WDR37: variants seen among roughly 807,000 people sequenced by gnomAD.
The protein encoded by WDR37 is WD repeat domain 37, also known as WD repeat-containing protein 37.
Under a neutral mutation model 62.9 loss-of-function variants are expected in WDR37, and 19 were observed. That is an observed-to-expected ratio of 0.30 (90% CI 0.21 to 0.44). The LOEUF (loss-of-function observed/expected upper bound fraction) is 0.44. Among genes scored for constraint, WDR37 ranks in the 20% least tolerant of loss-of-function variants. The probability of loss-of-function intolerance (pLI) is 1.00; values close to 1 mark genes in which losing one functional copy is unlikely to be tolerated. For synonymous variants in WDR37, 250 were observed against 260.9 expected, an observed-to-expected ratio of 0.96 and a Z score of 0.40; for missense variants, 474 against 657.6, an observed-to-expected ratio of 0.72 and a Z score of 3.05.
intron 1 of WDR37, among the ~76,000 whole-genome samples, chr10:1,071,056 T>C (rs554934986): frequency 9.8e-4 from 150 of 152,374 alleles, no homozygotes; most frequent in Non-Finnish European, 1.8e-3. Flanking sequence ...TGTAACTGTC[T>C]ACTTGGAATT....
Position 1,096,213 on chromosome 10 carries a change from G to T in WDR37, c.693G>T (p.Gln231His). The change falls in exon 9 of 14, where the codon CAG becomes CAT. Residue 231 changes from glutamine to histidine, a missense_variant. Transcript: ENST00000263150. ...CTCATATCTGGAGATACGCGGTGCA[G>T]CTGCCGACACCCCAGCCTGTTGCTG... is the stretch of plus-strand genomic sequence containing the variant. ...QTAHIWRYAV[Q>H]LPTPQPVADT... The T allele has an allele frequency of 6.2e-7, 1 of 1,614,156 alleles. No homozygotes were observed.
chr10:1,082,801 G>A (rs1165071885), intron 5 of WDR37, among the ~76,000 whole-genome samples: 2 of 152,180 alleles, frequency 1.3e-5, no homozygotes, highest in African/African-American at 4.8e-5. Flanking sequence ...AGCTCCAGCA[G>A]CAGTGCAGTC....
chr10:1,077,477 G>A (rs1283762450), intron 2 of WDR37, among the ~76,000 whole-genome samples: 2 of 152,106 alleles, frequency 1.3e-5, no homozygotes, highest in Non-Finnish European at 2.9e-5. Flanking sequence ...GGGTGTGGCG[G>A]GAACTCTGCA....
intron 12 of WDR37, 93 bp from the exon 13 acceptor site, chr10:1,124,817 A>C: frequency 6.7e-7 from 1 of 1,500,332 alleles, no homozygotes; most frequent in Non-Finnish European, 9.0e-7. Context: ...TGAAATGTGA[A>C]TAATATGGAA....
chr10:1,129,680 C>CCGAGA lies in WDR37; in HGVS notation c.*336_*337insCGAGA. 5.2e-6 allele frequency: 1 copy of CCGAGA among 193,148 alleles called. No homozygotes were observed. Among genetic ancestry groups the CCGAGA allele is most frequent in the South Asian group, 1.0e-4 (1 of 9,644 alleles). 12.0% of individuals were successfully genotyped at this position (193,148 alleles called of 1,614,324 possible). A position where few individuals can be genotyped will look rare whatever the true frequency, so the allele number is the denominator to read the frequency against. ...ATTTGTGTGAATTAAATGTGAACTT[C>CCGAGA]TGTATTACGTTGCGGCGTCGGCAGT... On this transcript the variant is annotated 3_prime_UTR_variant, in exon 14 of 14. Coordinates refer to ENST00000263150, the MANE Select transcript of WDR37 (RefSeq NM_014023.4).
At chr10:1,063,442 A>G (rs1479398675) in intron 1 of WDR37, among the ~76,000 whole-genome samples, 1 of 152,006 alleles carries the variant, frequency 6.6e-6, no homozygotes, top group Admixed American at 6.5e-5. Flanking sequence ...CCAGCTAAAT[A>G]TCACAGGAAA....
chr10:1,078,071 A>T (rs944755422), intron 3 of WDR37, 68 bp downstream of exon 3: 4 of 1,202,720 alleles, frequency 3.3e-6, no homozygotes, highest in Non-Finnish European at 4.8e-6. Context: ...ATGAATAGAC[A>T]TTCATCACTA....
chr10:1,070,796 G>C (rs939793818), intron 1 of WDR37, among the ~76,000 whole-genome samples: 1 of 151,822 alleles, frequency 6.6e-6, no homozygotes, highest in African/African-American at 2.4e-5. Context: ...AAAACAGGCT[G>C]ACTTGTTTAA....
intron 11 of WDR37, among the ~76,000 whole-genome samples, chr10:1,109,377 C>T (rs773641276): frequency 2.6e-5 from 4 of 152,214 alleles, no homozygotes; most frequent in East Asian, 3.8e-4. Flanking sequence ...CTGTTGCAAC[C>T]GTGTGGTCTT....
At chr10:1,094,247 T>C (rs1370213585) in intron 8 of WDR37, among the ~76,000 whole-genome samples, 1 of 152,222 alleles carries the variant, frequency 6.6e-6, no homozygotes, top group Non-Finnish European at 1.5e-5. Flanking sequence ...CAGCGGACAG[T>C]GCACTGATGA....
chr10:1,101,126 C>T (rs1468292762), intron 9 of WDR37, among the ~76,000 whole-genome samples: 1 of 152,220 alleles, frequency 6.6e-6, no homozygotes, highest in South Asian at 2.1e-4. Context: ...TTCTTCCCAC[C>T]CTGCTCCAGG....
chr10:1,079,576 C>T (rs1833967168), intron 3 of WDR37, among the ~76,000 whole-genome samples: 1 of 151,214 alleles, frequency 6.6e-6, no homozygotes, highest in South Asian at 2.1e-4. Context: ...ACTCTGTTGT[C>T]CAGGCTGGAG....
intron 7 of WDR37, among the ~76,000 whole-genome samples, chr10:1,092,775 T>C (rs914413330): frequency 3.5e-5 from 5 of 144,896 alleles, no homozygotes; most frequent in African/African-American, 5.2e-5. Flanking sequence ...GAGGCTAAGG[T>C]AGGAGGATCA....
intron 7 of WDR37, among the ~76,000 whole-genome samples, chr10:1,087,324 G>T (rs1834236714): frequency 6.6e-6 from 1 of 152,240 alleles, no homozygotes; most frequent in Non-Finnish European, 1.5e-5. Context: ...TGCCTGGCGT[G>T]TGTGTGATTG....
At position 1,130,717 on chromosome 10, in the gene WDR37, T is replaced by C. The variant is rs1788034198; in HGVS notation, c.*1373T>C. 1 of 152,200 alleles carries C rather than the reference T, an allele frequency of 6.6e-6. No homozygotes were observed. Among genetic ancestry groups the C allele is most frequent in the Admixed American group, 6.5e-5 (1 of 15,276 alleles). The allele number at this position is 152,200 out of a possible 1,614,324, so 9.4% of individuals were successfully genotyped here. ...ATGTGACATCCCCAGGTCTTTGTGTTTTGCCCTGTTTTACGGTGAGGTAGG... is the reference window on the plus strand; with the variant it reads ...ATGTGACATCCCCAGGTCTTTGTGTCTTGCCCTGTTTTACGGTGAGGTAGG... On this transcript the variant is annotated 3_prime_UTR_variant, in exon 14 of 14. Coordinates refer to ENST00000263150, the MANE Select transcript of WDR37 (RefSeq NM_014023.4).
At chr10:1,069,252 C>G (rs1192372605) in intron 1 of WDR37, among the ~76,000 whole-genome samples, 1 of 151,340 alleles carries the variant, frequency 6.6e-6, no homozygotes, top group Non-Finnish European at 1.5e-5. Context: ...TACCCTGTGA[C>G]TGAGCAGCCT....
At chr10:1,062,865 A>C in intron 1 of WDR37, among the ~76,000 whole-genome samples, 1 of 152,204 alleles carries the variant, frequency 6.6e-6, no homozygotes, top group East Asian at 1.9e-4. Context: ...AGGCGGGCAG[A>C]TCACAAGGTC....
chr10:1,115,000 G>A (rs746532781), intron 11 of WDR37, among the ~76,000 whole-genome samples: 99 of 151,334 alleles, frequency 6.5e-4, no homozygotes, highest in Non-Finnish European at 1.4e-3. Context: ...ATCCCGTAGA[G>A]TTTTCCTCCC....
chr10:1,108,077 TCC>T (rs1036839118), intron 11 of WDR37, among the ~76,000 whole-genome samples: 4 of 152,244 alleles, frequency 2.6e-5, no homozygotes, highest in Non-Finnish European at 5.9e-5. Flanking sequence ...AAAGGAAAAC[TCC>T]AGCATGCATT....
Sources: allele counts gnomAD v4.1 joint callset (sites outside exome capture counted in the v4.1 genomes callset), GRCh38; gene constraint gnomAD v4.1.1; transcripts MANE v1.5; gene names NCBI Gene and HGNC (gene_info 2026-07-23, HGNC 2026-07-21).